The following SMC2 variants were observed in gnomAD, a reference collection of about 807,000 sequenced individuals.
The protein encoded by SMC2 is structural maintenance of chromosomes 2, also known as structural maintenance of chromosomes protein 2.
SMC2 carries 41 observed loss-of-function variants against 142.6 expected under a neutral mutation model. The ratio of observed to expected loss-of-function variants is 0.29; its 90% CI spans 0.22 to 0.37. The LOEUF is 0.37. Ranked by LOEUF, SMC2 falls within the 10% of genes least tolerant of loss-of-function variation. The pLI, the probability that SMC2 is intolerant of heterozygous loss-of-function variation, is 1.00. For synonymous variants in SMC2, 463 were observed against 457.5 expected (o/e 1.01, Z -0.15); for missense variants, 1,265 against 1,373.7 (o/e 0.92, Z 1.25).
rs1222708315 is a variant in SMC2, at chr9:104,139,327, A to T, written c.*12A>T. ...ATGTGGAAGTTTAAACTACAAAGTT[A>T]TTTCTTCATCTTGACCTGTTTTTTT... On this transcript the variant is annotated 3_prime_UTR_variant, in exon 25 of 25. Transcript: ENST00000374793. 6.4e-7 allele frequency: 1 copy of T among 1,560,938 alleles called. No homozygotes were observed. The highest frequency in any genetic ancestry group is 1.4e-5 in the African/African-American group (1 of 70,782).
chr9:104,119,653 G>T (rs915782731), intron 15 of SMC2, among the ~76,000 whole-genome samples: 1 of 152,174 alleles, frequency 6.6e-6, no homozygotes, highest in African/African-American at 2.4e-5. Flanking sequence ...CAAACGGAAA[G>T]CAAATGGTGT....
At chr9:104,114,967 A>ATAAC (rs1163944138) in intron 13 of SMC2, 138 bp downstream of exon 13, 5 of 595,532 alleles carry the variant, frequency 8.4e-6, no homozygotes, top group Non-Finnish European at 1.3e-5. Context: ...TATTTGGTTC[A>ATAAC]TAACTTTTTG....
chr9:104,125,654 C>CA (rs1834186874), intron 18 of SMC2, among the ~76,000 whole-genome samples: 2 of 152,028 alleles, frequency 1.3e-5, no homozygotes, highest in Non-Finnish European at 2.9e-5. Context: ...AGCAAGTTGA[C>CA]ATTTTTATTT....
chr9:104,115,550 G>A (rs1013350659), intron 13 of SMC2, among the ~76,000 whole-genome samples: 6 of 151,350 alleles, frequency 4.0e-5, no homozygotes, highest in African/African-American at 1.5e-4. Context: ...GCACCACTGC[G>A]CTCCTGCCTG....
Position 104,139,199 on chromosome 9 carries a change from A to G in SMC2, c.3478A>G (p.Lys1160Glu). ...FNNANVLFKT[K>E]FVDGVSTVAR... ...CAATGCAAACGTTCTTTTCAAAACC[A>G]AGTTTGTGGATGGTGTTTCTACAGT... The change falls in exon 25 of 25, where the codon AAG (lysine) becomes GAG (glutamate). Residue 1160 changes from lysine (K) to glutamate (E), a missense_variant. By Grantham distance (56) the Lys-to-Glu change is moderately conservative. Coordinates refer to ENST00000374793, the MANE Select transcript of SMC2 (RefSeq NM_006444.3). 6.2e-7 allele frequency: 1 copy of G among 1,603,688 alleles called. No homozygotes were observed. The highest frequency in any genetic ancestry group is 8.5e-7 in the Non-Finnish European group (1 of 1,176,656).
rs7872034 is a variant in SMC2, at chr9:104,134,528, G to C, written c.3222G>C (p.Leu1074Phe). ...ATGGTCTGGAGTTCAAGGTTGCCTT[G>C]GGAAATACCTGGAAAGAAAACCTAA... ...VLDGLEFKVALGNTWKENLTE... is the reference protein window; with the variant it reads ...VLDGLEFKVAFGNTWKENLTE... The change falls in exon 23 of 25, where the codon TTG becomes TTC. Residue 1074 changes from leucine (L) to phenylalanine (F), a missense_variant. Physicochemically the swap from Leu to Phe is conservative, Grantham distance 22. Transcript: ENST00000374793. 3.7e-6 allele frequency: 6 copies of C among 1,610,802 alleles called. No homozygotes were observed. The highest frequency in any genetic ancestry group is 1.3e-5 in the African/African-American group (1 of 74,672).
chr9:104,107,985 A>G (rs1832004763), intron 9 of SMC2, among the ~76,000 whole-genome samples: 1 of 152,166 alleles, frequency 6.6e-6, no homozygotes, highest in South Asian at 2.1e-4. Flanking sequence ...ATTCTTAGCT[A>G]CGAGGGGCAT....
At position 104,140,252 on chromosome 9, in the gene SMC2, A is replaced by G. The variant is rs1835949535; in HGVS notation, c.*937A>G. 6.6e-6 allele frequency: 1 copy of G among 152,118 alleles called. No individual in the cohort carries two copies. Among genetic ancestry groups the G allele is most frequent in the Non-Finnish European group, 1.5e-5 (1 of 68,010 alleles). 9.4% of individuals were successfully genotyped at this position (152,118 alleles called of 1,614,324 possible). ...ATAACTCAATCCATCTGTTCCACCAAAATAACTCAAAAGTTGGATGATTAT... is the reference window on the plus strand; with the variant it reads ...ATAACTCAATCCATCTGTTCCACCAGAATAACTCAAAAGTTGGATGATTAT... On this transcript the variant is annotated 3_prime_UTR_variant, in exon 25 of 25. Transcript: ENST00000374793.
intron 17 of SMC2, 137 bp downstream of exon 17, chr9:104,123,369 T>TTC: frequency 3.8e-6 from 3 of 788,810 alleles, no homozygotes; most frequent in Non-Finnish European, 5.6e-6. Context: ...GTATGGGATT[T>TTC]CTAGGTCTTA....
chr9:104,092,955 T>TTA (rs1830051697), upstream of SMC2: 1 of 152,154 alleles, frequency 6.6e-6, no homozygotes, highest in Admixed American at 6.5e-5. Context: ...CCTTATAAAA[T>TTA]AGGCCCAAGC....
rs530046747 is a variant in SMC2, at chr9:104,096,134, A to T, written c.169-14A>T. On this transcript the variant is annotated splice_polypyrimidine_tract_variant and intron_variant, in intron 2 of 24. Coordinates refer to ENST00000374793, the MANE Select transcript of SMC2 (RefSeq NM_006444.3). ...GAGTTTTGTAATTGTTACACTTTTC[A>T]TATTTTATTTTAGGTTCGGGCTTCT... 1 of 1,608,896 alleles carries T rather than the reference A, an allele frequency of 6.2e-7. No individual in the cohort carries two copies. The highest frequency in any genetic ancestry group is 8.5e-7 in the Non-Finnish European group (1 of 1,178,200).
At chr9:104,117,580 A>G (rs115304820) in intron 14 of SMC2, among the ~76,000 whole-genome samples, 4,369 of 152,294 alleles carry the variant, frequency 0.029, 210 homozygotes, top group African/African-American at 0.1. Context: ...TTTCATTTGT[A>G]TGAGAAAATA....
chr9:104,108,149 C>G (rs1422957931), intron 9 of SMC2, among the ~76,000 whole-genome samples: 1 of 152,184 alleles, frequency 6.6e-6, no homozygotes, highest in African/African-American at 2.4e-5. Flanking sequence ...TCATTACATT[C>G]ACCTGAAACC....
At position 104,102,580 on chromosome 9, in the gene SMC2, G is replaced by A. The variant is rs747967996; in HGVS notation, c.1020+7G>A. 60 of 1,610,704 alleles carry A rather than the reference G, an allele frequency of 3.7e-5. No individual in the cohort carries two copies. Among genetic ancestry groups the A allele is most frequent in the Non-Finnish European group, 4.8e-5 (57 of 1,178,572 alleles). On this transcript the variant is annotated splice_region_variant and intron_variant, in intron 9 of 24. Coordinates refer to ENST00000374793, the MANE Select transcript of SMC2 (RefSeq NM_006444.3). ...GGAAAAAAATATGGTTGAGGTAAGT[G>A]AGCTTAATGTGCCACTAGTGCCACT...
At chr9:104,137,896 TTA>T (rs1835729497) in intron 23 of SMC2, 120 bp from the exon 24 acceptor site, 2 of 541,248 alleles carry the variant, frequency 3.7e-6, no homozygotes, top group East Asian at 3.2e-5. Context: ...ATTCTTTTTT[TTA>T]TATGACTACC....
intron 9 of SMC2, among the ~76,000 whole-genome samples, chr9:104,109,060 A>G (rs577003869): frequency 1.3e-4 from 20 of 152,324 alleles, no homozygotes; most frequent in African/African-American, 3.6e-4. Context: ...CTATTCTTCA[A>G]CTGAGAAAGG....
intron 22 of SMC2, among the ~76,000 whole-genome samples, chr9:104,133,224 G>C (rs1234248178): frequency 6.6e-6 from 1 of 151,902 alleles, no homozygotes. Context: ...CATTTTCTGT[G>C]TAGCATAGGG....
chr9:104,138,209 T>C, intron 24 of SMC2, 44 bp downstream of exon 24: 3 of 1,476,390 alleles, frequency 2.0e-6, no homozygotes, highest in East Asian at 2.3e-5. Flanking sequence ...TTAATTAGAC[T>C]ATTTTTCTAA....
rs1376414164 is a variant in SMC2 at position 104,098,429 on chromosome 9, A to T, written c.319-17A>T. On this transcript the variant is annotated splice_polypyrimidine_tract_variant and intron_variant, in intron 3 of 24. Transcript: ENST00000374793. ...GTGCATGTACATTAATATTTAAAAAATTGCTTTCTTTTATAGGTGGTTATT... is the reference window on the plus strand; with the variant it reads ...GTGCATGTACATTAATATTTAAAAATTTGCTTTCTTTTATAGGTGGTTATT... 3 of 1,561,714 alleles carry T rather than the reference A, an allele frequency of 1.9e-6. No individual in the cohort carries two copies. In the African/African-American group the frequency reaches 4.2e-5, roughly 22 times the overall value.
Sources: allele counts gnomAD v4.1 joint callset (sites outside exome capture counted in the v4.1 genomes callset), GRCh38; gene constraint gnomAD v4.1.1; transcripts MANE v1.5; gene names NCBI Gene and HGNC (gene_info 2026-07-23, HGNC 2026-07-21).